Variants in USP34 observed in about 807,000 individuals in gnomAD.
The protein encoded by USP34 is ubiquitin specific peptidase 34, also known as ubiquitin carboxyl-terminal hydrolase 34.
In USP34, 70 loss-of-function variants were observed where a neutral mutation model predicts 460.3. The observed-to-expected ratio is 0.15, with a 90% CI of 0.13 to 0.19. The LOEUF (loss-of-function observed/expected upper bound fraction) is 0.19, where lower values mean the gene tolerates loss of function less well. Among genes scored for constraint, USP34 ranks in the 10% least tolerant of loss-of-function variants. USP34 has a pLI of 1.00. For missense variants in USP34, 3,985 were observed against 4,236.2 expected (o/e 0.94, Z 1.65); for synonymous variants, 1,647 against 1,405.3 (o/e 1.17, Z -3.85).
chr2:61,358,440 T>C (rs1178799591), intron 10 of USP34, among the ~76,000 whole-genome samples: 1 of 152,026 alleles, frequency 6.6e-6, no homozygotes, highest in African/African-American at 2.4e-5. Flanking sequence ...ATTCCTTTCA[T>C]GATAAAAATT....
chr2:61,222,618 C>G lies in USP34; in HGVS notation c.7794+1G>C. On this transcript the variant is annotated splice_donor_variant, in intron 65 of 79. Transcript: ENST00000398571. LOFTEE classifies it high-confidence loss of function. ...ACATAAATTAACAAATGTTTACATA[C>G]CTCAGGAGTCAACTTTGCTATTGAT... 6.2e-7 allele frequency: 1 copy of G among 1,611,080 alleles called. No homozygotes were observed. The highest frequency in any genetic ancestry group is 8.5e-7 in the Non-Finnish European group (1 of 1,177,750).
intron 10 of USP34, among the ~76,000 whole-genome samples, chr2:61,352,305 CATGTTTATATATATAGTAT>C (rs1391533869): frequency 2.0e-5 from 3 of 151,856 alleles, no homozygotes; most frequent in Admixed American, 6.6e-5. Context: ...CACATATATA[CATGTTTATATATATAGTAT>C]ATGTATATAC....
Position 61,288,857 on chromosome 2 carries a change from A to G in USP34, c.4569T>C (p.Ala1523=), listed in dbSNP as rs1436413573. The change falls in exon 34 of 80, where the codon GCT becomes GCC. Residue 1523 remains alanine, a synonymous_variant. Coordinates refer to ENST00000398571, the MANE Select transcript of USP34 (RefSeq NM_014709.4). ...SWTVWQLDCL[A]CLLKLICQFA... ...ACTGGCATATTAACTTCAGCAAGCAAGCAAGACAGTCTAGCTGCCACTGTA... is the reference window on the plus strand; with the variant it reads ...ACTGGCATATTAACTTCAGCAAGCAGGCAAGACAGTCTAGCTGCCACTGTA... The G allele has an allele frequency of 6.2e-7, 1 of 1,613,200 alleles. No individual in the cohort carries two copies. Among genetic ancestry groups the G allele is most frequent in the Non-Finnish European group, 8.5e-7 (1 of 1,179,922 alleles).
chr2:61,442,676 A>G (rs966525916), intron 1 of USP34, among the ~76,000 whole-genome samples: 1 of 152,224 alleles, frequency 6.6e-6, no homozygotes, highest in African/African-American at 2.4e-5. Flanking sequence ...AAACTAGCAC[A>G]GCCACTATAG....
rs553465710 is a variant in USP34 at position 61,468,024 on chromosome 2, A to T, written c.43+2626T>A. Among the ~76,000 whole-genome samples, 13 of 152,298 alleles carry T rather than the reference A, an allele frequency of 8.5e-5. No homozygotes were observed. In the South Asian group the frequency reaches 2.7e-3, roughly 32 times the overall value. ...ACTTTATAGGTAATTACTGCAAATGAGATCACAAGAAACACATATAATCTA... is the reference window on the plus strand; with the variant it reads ...ACTTTATAGGTAATTACTGCAAATGTGATCACAAGAAACACATATAATCTA... On this transcript the variant is annotated intron_variant, in intron 1 of 79. Transcript: ENST00000398571.
chr2:61,427,078 A>G (rs541392723), intron 1 of USP34, among the ~76,000 whole-genome samples: 3 of 152,340 alleles, frequency 2.0e-5, no homozygotes, highest in African/African-American at 4.8e-5. Flanking sequence ...CCCAGGCTGG[A>G]GTGCAGTGGC....
chr2:61,227,916 A>G (rs1374550900), intron 61 of USP34, among the ~76,000 whole-genome samples: 1 of 152,226 alleles, frequency 6.6e-6, no homozygotes, highest in Admixed American at 6.5e-5. Flanking sequence ...ATTCTTATTT[A>G]TAGTTCCCTG....
At position 61,395,239 on chromosome 2, in the gene USP34, T is replaced by TA. The variant is rs370729896; in HGVS notation, c.553-7dup. On this transcript the variant is annotated splice_polypyrimidine_tract_variant and splice_region_variant and intron_variant, in intron 3 of 79. Coordinates refer to ENST00000398571, the MANE Select transcript of USP34 (RefSeq NM_014709.4). ...CTTTCTTGAGTTGATATATCCTAAT[T>TA]AAAAAAAAAAAAGCAAGTAAAATTA... The TA allele has an allele frequency of 0.057, 61,304 of 1,072,504 alleles. 78 individuals carry two copies. The highest frequency in any genetic ancestry group is 0.071 in the South Asian group (4,221 of 59,620). 66.4% of individuals were successfully genotyped at this position (1,072,504 alleles called of 1,614,324 possible). A position where few individuals can be genotyped will look rare whatever the true frequency, so the allele number is the denominator to read the frequency against.
chr2:61,379,388 C>T (rs375730014), intron 7 of USP34, among the ~76,000 whole-genome samples: 101 of 152,146 alleles, frequency 6.6e-4, no homozygotes, highest in African/African-American at 2.4e-3. Context: ...GGTGTTGTGG[C>T]GCACACCTGT....
intron 8 of USP34, among the ~76,000 whole-genome samples, chr2:61,370,926 G>A (rs1466766544): frequency 1.3e-5 from 2 of 152,156 alleles, no homozygotes; most frequent in Non-Finnish European, 2.9e-5. Context: ...CTCAGGAAAG[G>A]TTTCCCAGTA....
intron 42 of USP34, 185 bp from the exon 43 acceptor site, chr2:61,265,742 C>G (rs1689027033): frequency 1.4e-6 from 1 of 720,494 alleles, no homozygotes; most frequent in South Asian, 6.5e-5. Context: ...AAATTCAAGA[C>G]TTTTAAAACT....
intron 75 of USP34, among the ~76,000 whole-genome samples, chr2:61,201,384 A>G (rs1686972598): frequency 1.3e-5 from 2 of 151,806 alleles, no homozygotes; most frequent in East Asian, 3.9e-4. Context: ...TGCCTAGCTA[A>G]TTTTTTTATT....
At chr2:61,304,136 G>A (rs150567671) in intron 27 of USP34, among the ~76,000 whole-genome samples, 47 of 152,216 alleles carry the variant, frequency 3.1e-4, no homozygotes, top group African/African-American at 1.1e-3. Flanking sequence ...GACCGCAAAT[G>A]ATCCGCCTGC....
At chr2:61,207,107 C>A in intron 70 of USP34, 1 of 412,856 alleles carries the variant, frequency 2.4e-6, no homozygotes, top group Admixed American at 4.3e-5. Context: ...TGTGTATATT[C>A]TAGTCTGAAG....
intron 72 of USP34, among the ~76,000 whole-genome samples, chr2:61,204,883 T>TG (rs1413346070): frequency 1.3e-5 from 2 of 151,396 alleles, no homozygotes; most frequent in Non-Finnish European, 3.0e-5. Flanking sequence ...CAGTGAGGGA[T>TG]TTTTTTTTGG....
chr2:61,283,243 C>G lies in USP34; in HGVS notation c.4900G>C (p.Val1634Leu). ...EVSHYSMWLL[V>L]SWAHCCSLVK... ...AAAGAACAGCAATGAGCCCAACTCA[C>G]CAAGAGCCACATTGAATAATGTGAA... The change falls in exon 37 of 80, where the codon GTG becomes CTG. Residue 1634 changes from valine (V) to leucine (L), a missense_variant. This residue lies in a region of USP34 where 1,114 missense variants were observed against 1,122.5 expected (regional missense o/e 0.99). Coordinates refer to ENST00000398571, the MANE Select transcript of USP34 (RefSeq NM_014709.4). 6.2e-7 allele frequency: 1 copy of G among 1,613,138 alleles called. No homozygotes were observed. Among genetic ancestry groups the G allele is most frequent in the Middle Eastern group, 1.7e-4 (1 of 6,056 alleles).
At chr2:61,288,196 T>A (rs987771654) in intron 34 of USP34, among the ~76,000 whole-genome samples, 1 of 152,168 alleles carries the variant, frequency 6.6e-6, no homozygotes. Context: ...AACCCCGGTT[T>A]AACAGGATCC....
intron 23 of USP34, 67 bp from the exon 24 acceptor site, chr2:61,315,041 G>T: frequency 8.4e-7 from 1 of 1,189,506 alleles, no homozygotes; most frequent in Non-Finnish European, 1.2e-6. Flanking sequence ...TAAGACTGAA[G>T]TATCAAAAGT....
At position 61,281,109 on chromosome 2, in the gene USP34, T is replaced by G; in HGVS notation, c.5132A>C (p.Gln1711Pro). The G allele has an allele frequency of 6.2e-7, 1 of 1,613,698 alleles. No individual in the cohort carries two copies. Among genetic ancestry groups the G allele is most frequent in the Non-Finnish European group, 8.5e-7 (1 of 1,179,796 alleles). The change falls in exon 38 of 80, where the codon CAA becomes CCA. Residue 1711 changes from glutamine (Q) to proline (P), a missense_variant. By Grantham distance (76) the Gln-to-Pro change is moderately conservative. Transcript: ENST00000398571. ...STLLKFLPDAQALKPIRIDDY... is the reference protein window; with the variant it reads ...STLLKFLPDAPALKPIRIDDY... ...TCTTACCCTAATAGGTTTGAGTGCT[T>G]GAGCATCAGGAAGAAATTTCAATAA...
Sources: gnomAD v4.1 joint callset for allele counts (sites outside exome capture counted in the v4.1 genomes callset) on GRCh38, gnomAD v4.1.1 for gene constraint, gnomAD v4.1.1 regional missense constraint, MANE v1.5 for transcripts, NCBI Gene and HGNC (gene_info 2026-07-23, HGNC 2026-07-21) for gene names.